The following PCDHGB6 variants were observed in gnomAD, a reference collection of about 807,000 sequenced individuals.
The protein encoded by PCDHGB6 is protocadherin gamma subfamily B, 6.
In PCDHGB6, 51 loss-of-function variants were observed where a neutral mutation model predicts 59.1. The ratio of observed to expected loss-of-function variants is 0.86; its 90% confidence interval spans 0.69 to 1.09. The LOEUF (loss-of-function observed/expected upper bound fraction) is 1.09, where lower values mean the gene tolerates loss of function less well. Ranked by LOEUF, PCDHGB6 falls within the 50% of genes least tolerant of loss-of-function variation. The pLI is 0.00. For missense variants in PCDHGB6, 1,148 were observed against 1,205.1 expected, an observed-to-expected ratio of 0.95 and a Z score of 0.70; for synonymous variants, 466 against 495.1, an observed-to-expected ratio of 0.94 and a Z score of 0.78.
At chr5:141,415,640 T>C in intron 1 of PCDHGB6, 1 of 1,594,726 alleles carries the variant, frequency 6.3e-7, no homozygotes, top group Non-Finnish European at 8.5e-7. Context: ...TTTACTTTTG[T>C]TAAAAAAAAA....
intron 1 of PCDHGB6, chr5:141,423,975 A>T: frequency 8.9e-7 from 1 of 1,126,024 alleles, no homozygotes; most frequent in Non-Finnish European, 1.1e-6. Flanking sequence ...TTATCAGTGT[A>T]TGAGGCTCTC....
chr5:141,428,288 A>G (rs1413902705), intron 1 of PCDHGB6: 1 of 728,846 alleles, frequency 1.4e-6, no homozygotes, highest in Middle Eastern at 2.3e-4. Flanking sequence ...TCCCAAGCAA[A>G]GCTGCAGATT....
chr5:141,433,110 G>C (rs1031253372), intron 1 of PCDHGB6: 1 of 1,614,098 alleles, frequency 6.2e-7, no homozygotes, highest in Middle Eastern at 1.7e-4. Context: ...AGCCAGGAGA[G>C]CTTTGAAAAA....
chr5:141,423,246 G>A, intron 1 of PCDHGB6: 15 of 1,613,922 alleles, frequency 9.3e-6, no homozygotes, highest in Non-Finnish European at 1.3e-5. Context: ...CCGAAGTCCT[G>A]GCGGACCTCG....
rs150897033 is a variant in PCDHGB6, at chr5:141,453,434, G to C, written c.2419-41373G>C. Among the ~76,000 whole-genome samples the C allele has an allele frequency of 3.9e-3, 592 of 151,994 alleles. 6 individuals are homozygous for C. The highest frequency in any genetic ancestry group is 0.011 in the Admixed American group (171 of 15,256). On this transcript the variant is annotated intron_variant, in intron 1 of 3. Coordinates refer to ENST00000520790, the MANE Select transcript of PCDHGB6 (RefSeq NM_018926.3). Reference sequence around the variant, plus strand: ...GGCATAAGCCACCACACCTAGCCTAGTATTCTTTTTTGAATATGTAAAACA... The same window carrying C: ...GGCATAAGCCACCACACCTAGCCTACTATTCTTTTTTGAATATGTAAAACA...
At chr5:141,453,481 T>TA (rs1178324090) in intron 1 of PCDHGB6, among the ~76,000 whole-genome samples, 1 of 151,928 alleles carries the variant, frequency 6.6e-6, no homozygotes, top group African/African-American at 2.4e-5. Context: ...TCAAAACTAT[T>TA]AAAAAAAGGT....
rs2099085120 is a variant in PCDHGB6, at chr5:141,464,455, T to C, written c.2419-30352T>C. Among the ~76,000 whole-genome samples, 2 of 151,794 alleles carry C rather than the reference T, an allele frequency of 1.3e-5. 1 individual carries two copies. Among genetic ancestry groups the C allele is most frequent in the Non-Finnish European group, 2.9e-5 (2 of 67,958 alleles). On this transcript the variant is annotated intron_variant, in intron 1 of 3. Coordinates refer to ENST00000520790, the MANE Select transcript of PCDHGB6 (RefSeq NM_018926.3). ...TATATGTTTGTTGTTGTTGTTGTTA[T>C]TTTTGAAGTATGTACGTATAATAAA...
At chr5:141,423,485 C>T (rs752918607) in intron 1 of PCDHGB6, 30 of 1,613,840 alleles carry the variant, frequency 1.9e-5, no homozygotes, top group Non-Finnish European at 2.2e-5. Context: ...TTCCTGCAAA[C>T]CTATTCCCAC....
intron 1 of PCDHGB6, among the ~76,000 whole-genome samples, chr5:141,465,904 C>T (rs1364574558): frequency 2.0e-5 from 3 of 152,046 alleles, no homozygotes; most frequent in Admixed American, 6.5e-5. Context: ...GGGCAAATCA[C>T]GAGGTCAGGA....
intron 1 of PCDHGB6, chr5:141,423,068 A>T: frequency 6.2e-7 from 1 of 1,614,090 alleles, no homozygotes; most frequent in Non-Finnish European, 8.5e-7. Context: ...AAGGCCAGCG[A>T]GCCGGGACTC....
Position 141,432,880 on chromosome 5 carries a change from C to T in PCDHGB6, c.2418+22260C>T, listed in dbSNP as rs865848752. ...CGGTCTCCTGCGTCTTCCTGGCCTT[C>T]GTCATCTTGCTGCTGGCGCTCAGGC... On this transcript the variant is annotated intron_variant, in intron 1 of 3. Transcript: ENST00000520790. The surrounding 1 kb of genome is among the most constrained non-coding windows in gnomAD (Gnocchi z 6.0). 1 of 1,614,194 alleles carries T rather than the reference C, an allele frequency of 6.2e-7. No individual in the cohort carries two copies. Among genetic ancestry groups the T allele is most frequent in the Non-Finnish European group, 8.5e-7 (1 of 1,180,008 alleles).
intron 1 of PCDHGB6, among the ~76,000 whole-genome samples, chr5:141,474,644 C>G (rs1016496399): frequency 4.6e-5 from 7 of 152,180 alleles, no homozygotes; most frequent in Non-Finnish European, 1.0e-4. Flanking sequence ...CCTATATATC[C>G]TTACTTCTTT....
At chr5:141,502,666 T>C (rs962424461) in intron 2 of PCDHGB6, among the ~76,000 whole-genome samples, 10 of 152,234 alleles carry the variant, frequency 6.6e-5, no homozygotes, top group African/African-American at 2.2e-4. Context: ...CTTCATGCAA[T>C]TTTAGTATTC....
intron 2 of PCDHGB6, among the ~76,000 whole-genome samples, chr5:141,499,879 G>C (rs1470090790): frequency 9.2e-5 from 14 of 151,952 alleles, no homozygotes. Flanking sequence ...GTACAAACAG[G>C]GTTTCGCCAT....
intron 1 of PCDHGB6, among the ~76,000 whole-genome samples, chr5:141,468,130 G>C (rs1312004369): frequency 6.6e-6 from 1 of 151,878 alleles, no homozygotes; most frequent in Admixed American, 6.6e-5. Context: ...TTTGAGACCA[G>C]CCTGGCCAAC....
In PCDHGB6 at chr5:141,486,697, C is replaced by T. The variant is rs146956400; in HGVS notation, c.2419-8110C>T. 89 of 1,614,058 alleles carry T rather than the reference C, an allele frequency of 5.5e-5. No homozygotes were observed. Among genetic ancestry groups the T allele is most frequent in the Non-Finnish European group, 7.4e-5 (87 of 1,180,040 alleles). ...GAGATGTATCAGCTTCCTCTTTCAT[C>T]TCTCTGAACCCCCAGACAGGAGCTG... On this transcript the variant is annotated intron_variant, in intron 1 of 3. Coordinates refer to ENST00000520790, the MANE Select transcript of PCDHGB6 (RefSeq NM_018926.3). The surrounding 1 kb of genome is among the most constrained non-coding windows in gnomAD (Gnocchi z 5.0).
intron 1 of PCDHGB6, among the ~76,000 whole-genome samples, chr5:141,467,008 A>AT (rs1165146249): frequency 6.7e-6 from 1 of 150,270 alleles, no homozygotes; most frequent in Non-Finnish European, 1.5e-5. Context: ...TTGCAATGCA[A>AT]TTTTTTTCCC....
intron 1 of PCDHGB6, among the ~76,000 whole-genome samples, chr5:141,472,991 AAAAAAAGAAAGAAAAAG>A (rs2099310051): frequency 6.6e-6 from 1 of 151,894 alleles, no homozygotes; most frequent in Admixed American, 6.6e-5. Flanking sequence ...AAAAAAAAAA[AAAAAAAGAAAGAAAAAG>A]AAAAAGAAAG....
Position 141,485,856 on chromosome 5 carries a change from T to C in PCDHGB6, c.2419-8951T>C. ...CCGCCGAGATCTGGCACCGCAGAGC[T>C]CCGGGTATCCGTGCTGGACGTAAAC... is the stretch of plus-strand genomic sequence containing the variant. On this transcript the variant is annotated intron_variant, in intron 1 of 3. Coordinates refer to ENST00000520790, the MANE Select transcript of PCDHGB6 (RefSeq NM_018926.3). The surrounding 1 kb of genome is among the most constrained non-coding windows in gnomAD (Gnocchi z 5.7). 1 of 1,614,108 alleles carries C rather than the reference T, an allele frequency of 6.2e-7. No individual in the cohort carries two copies. The highest frequency in any genetic ancestry group is 8.5e-7 in the Non-Finnish European group (1 of 1,180,014).
Sources: gnomAD v4.1 joint callset for allele counts (sites outside exome capture counted in the v4.1 genomes callset) on GRCh38, gnomAD v4.1.1 for gene constraint, Gnocchi (gnomAD v3.1) non-coding constraint, MANE v1.5 for transcripts, NCBI Gene and HGNC (gene_info 2026-07-23, HGNC 2026-07-21) for gene names.